Variants in CPNE7 observed in about 807,000 individuals in gnomAD.
CPNE7 encodes the protein copine-7.
In CPNE7, 78 loss-of-function variants were observed where a neutral mutation model predicts 66.5. The ratio of observed to expected loss-of-function variants is 1.17; its 90% CI spans 0.98 to 1.42. CPNE7 has a LOEUF of 1.42. Among genes scored for constraint, CPNE7 ranks in the 40% most tolerant of loss-of-function variants. The pLI, the probability that CPNE7 is intolerant of heterozygous loss-of-function variation, is 0.00. For missense variants in CPNE7, 1,012 were observed against 776.6 expected (o/e 1.30, Z -3.60); for synonymous variants, 468 against 336.7 (o/e 1.39, Z -4.27).
At chr16:89,586,281 G>C (rs1337529870) in intron 7 of CPNE7, among the ~76,000 whole-genome samples, 1 of 152,060 alleles carries the variant, frequency 6.6e-6, no homozygotes, top group Non-Finnish European at 1.5e-5. Flanking sequence ...GGTTCAGCTG[G>C]ACATTTCAGG....
In CPNE7 at chr16:89,595,518, G is replaced by A. The variant is rs1420326324; in HGVS notation, c.1454G>A (p.Gly485Asp). The part of the protein sequence containing the change: ...ADFTDMQVLD[G>D]DDGVLRSPRG... Reference sequence around the variant, plus strand: ...TTCACCGACATGCAGGTCCTGGACGGCGACGACGGCGTCCTGCGCTCCCCA... The same window carrying A: ...TTCACCGACATGCAGGTCCTGGACGACGACGACGGCGTCCTGCGCTCCCCA... The change falls in exon 14 of 15, where the codon GGC becomes GAC. Residue 485 changes from glycine to aspartate, a missense_variant. Coordinates refer to ENST00000319518, the MANE Select transcript of CPNE7 (RefSeq NM_153636.3). 1.9e-6 allele frequency: 3 copies of A among 1,612,598 alleles called. No individual in the cohort carries two copies. Among genetic ancestry groups the A allele is most frequent in the Non-Finnish European group, 2.5e-6 (3 of 1,179,878 alleles).
At chr16:89,589,735 G>T (rs970623906) in intron 10 of CPNE7, among the ~76,000 whole-genome samples, 162 bp from the exon 11 acceptor site, 18 of 152,188 alleles carry the variant, frequency 1.2e-4, no homozygotes, top group African/African-American at 3.6e-4. Context: ...TGCCTCTGCT[G>T]CCCTGAGCCT....
In CPNE7 at chr16:89,579,971, G is replaced by A. The variant is rs78754497; in HGVS notation, c.357+2250G>A. Among the ~76,000 whole-genome samples, 83 of 43,644 alleles carry A rather than the reference G, an allele frequency of 1.9e-3. 21 individuals carry two copies. The highest frequency in any genetic ancestry group is 4.5e-3 in the African/African-American group (75 of 16,788). The allele number at this position is 43,644 out of a possible 152,430, so 28.6% of individuals were successfully genotyped here. On this transcript the variant is annotated intron_variant, in intron 2 of 14. Coordinates refer to ENST00000319518, the MANE Select transcript of CPNE7 (RefSeq NM_153636.3). ...CGTCACATGGAACATCCCGTCACCC[G>A]TCACACGGAACATCCCATCACACGG...
chr16:89,576,357 C>T (rs2151423399), intron 1 of CPNE7, among the ~76,000 whole-genome samples: 1 of 152,056 alleles, frequency 6.6e-6, no homozygotes, highest in Admixed American at 6.5e-5. Context: ...GGGGAGGGGG[C>T]CCCGGGCCAG....
At position 89,583,417 on chromosome 16, in the gene CPNE7, G is replaced by A. The variant is rs370792220; in HGVS notation, c.358-280G>A. The stretch of plus-strand genomic sequence containing the variant: ...GTGAGCTGCTTCCTGGCTTCCACCT[G>A]AGCCTGTTTCCTCACCTGGTAAATA... On this transcript the variant is annotated intron_variant, in intron 2 of 14. Transcript: ENST00000319518. The A allele has an allele frequency of 1.4e-5, 22 of 1,545,850 alleles. No homozygotes were observed. The African/African-American group carries it at 2.9e-4, about 20-fold the overall frequency.
intron 9 of CPNE7, chr16:89,587,642 A>ACCCCGTGTCAC (rs1567960496): frequency 6.7e-6 from 3 of 444,598 alleles, no homozygotes; most frequent in East Asian, 1.4e-4. Flanking sequence ...CCCGGCACAG[A>ACCCCGTGTCAC]CCCCGTGTCA....
At chr16:89,586,794 A>G (rs1231669146) in intron 8 of CPNE7, 38 bp downstream of exon 8, 5 of 1,541,392 alleles carry the variant, frequency 3.2e-6, no homozygotes, top group Non-Finnish European at 4.5e-6. Context: ...CCCACCCACA[A>G]GAGGGGCTTC....
intron 9 of CPNE7, 46 bp from the exon 10 acceptor site, chr16:89,588,629 G>C (rs111533459): frequency 9.3e-6 from 15 of 1,609,006 alleles, no homozygotes; most frequent in Admixed American, 3.3e-5. Context: ...GAGCGGGTTC[G>C]GGGAGCCCCG....
intron 13 of CPNE7, 120 bp downstream of exon 13, chr16:89,591,380 G>T: frequency 7.2e-7 from 1 of 1,379,320 alleles, no homozygotes; most frequent in Non-Finnish European, 9.5e-7. Flanking sequence ...CCCCAGGCAG[G>T]ACAGAGCTCA....
In CPNE7 at chr16:89,577,565, C is replaced by T. The variant is rs758126808; in HGVS notation, c.201C>T (p.Ser67=). The change falls in exon 2 of 15, where the codon AGC becomes AGT. Residue 67 remains serine, a synonymous_variant. Transcript: ENST00000319518. ...TGGGCAGAACCGAGGTGGTCCGGAGCAGCCTGCATCCCGTGTTCTCCAAGG... is the reference window on the plus strand; with the variant it reads ...TGGGCAGAACCGAGGTGGTCCGGAGTAGCCTGCATCCCGTGTTCTCCAAGG... ...VQVGRTEVVR[S]SLHPVFSKVF... 1.0e-5 allele frequency: 16 copies of T among 1,551,682 alleles called. No individual in the cohort carries two copies. Among genetic ancestry groups the T allele is most frequent in the Middle Eastern group, 1.7e-4 (1 of 5,916 alleles).
At chr16:89,577,491 CG>C (rs2151424981) in intron 1 of CPNE7, 47 bp from the exon 2 acceptor site, 1 of 1,538,358 alleles carries the variant, frequency 6.5e-7, no homozygotes, top group Non-Finnish European at 8.8e-7. Context: ...GTCTGGAGCC[CG>C]GGGTGGAAGC....
chr16:89,588,581 G>A (rs2059121086), intron 9 of CPNE7, 94 bp from the exon 10 acceptor site: 1 of 1,536,346 alleles, frequency 6.5e-7, no homozygotes, highest in African/African-American at 1.4e-5. Flanking sequence ...CTGACCCTGA[G>A]TCCTGGCCAC....
At position 89,583,759 on chromosome 16, in the gene CPNE7, G is replaced by C; in HGVS notation, c.420G>C (p.Lys140Asn). 2 of 1,612,726 alleles carry C rather than the reference G, an allele frequency of 1.2e-6. No homozygotes were observed. The highest frequency in any genetic ancestry group is 2.2e-5 in the South Asian group (2 of 91,086). Residue 140 changes from lysine (K) to asparagine (N), a missense_variant, in exon 3 of 15, where the codon AAG becomes AAC. By Grantham distance (94) the Lys-to-Asn change is moderately conservative. Transcript: ENST00000319518. The part of the protein sequence containing the change: ...LLLKFGRNAG[K>N]STITVIAEDI... ...TCAAGTTTGGCAGGAACGCTGGCAA[G>C]TCCACCATCACGGTGAGACCCGGGC...
At chr16:89,591,365 G>T in intron 13 of CPNE7, 105 bp downstream of exon 13, 1 of 1,418,304 alleles carries the variant, frequency 7.1e-7, no homozygotes, top group East Asian at 2.5e-5. Context: ...AGCCAGCGCA[G>T]AGGCCCCCAG....
At chr16:89,576,548 C>T (rs1162086236) in intron 1 of CPNE7, among the ~76,000 whole-genome samples, 1 of 152,178 alleles carries the variant, frequency 6.6e-6, no homozygotes, top group African/African-American at 2.4e-5. Flanking sequence ...ACGTGGGTCT[C>T]AAGCGAACCC....
intron 2 of CPNE7, among the ~76,000 whole-genome samples, chr16:89,581,783 T>A (rs2151432760): frequency 6.6e-6 from 1 of 152,330 alleles, no homozygotes; most frequent in South Asian, 2.1e-4. Context: ...TAGCTGGGAC[T>A]ACAGGTGTAC....
In CPNE7 at chr16:89,581,844, C is replaced by T. The variant is rs2058963279; in HGVS notation, c.358-1853C>T. On this transcript the variant is annotated intron_variant, in intron 2 of 14. Transcript: ENST00000319518. ...ATTTTTTGAAGAGACAGGGGTCTCA[C>T]CATGTTGCCCCAACTGGTCTTGAAC... Among the ~76,000 whole-genome samples, 4 of 152,188 alleles carry T rather than the reference C, an allele frequency of 2.6e-5. No individual in the cohort carries two copies. The South Asian group carries it at 8.3e-4, about 31-fold the overall frequency.
chr16:89,584,915 C>T lies in CPNE7; in HGVS notation c.591+58C>T, dbSNP rs188808451. Reference sequence around the variant, plus strand: ...GAAGGGGCTGTCCCCAGCCCTCACGCATCTCTGGCCACATGGGAGGAGCTC... The same window carrying T: ...GAAGGGGCTGTCCCCAGCCCTCACGTATCTCTGGCCACATGGGAGGAGCTC... On this transcript the variant is annotated intron_variant, in intron 5 of 14. Transcript: ENST00000319518. This position sits in a 1 kb window ranked among gnomAD's most constrained non-coding sequence, Gnocchi z 6.0. The T allele has an allele frequency of 1.4e-6, 2 of 1,449,492 alleles. No individual in the cohort carries two copies. The highest frequency in any genetic ancestry group is 1.4e-5 in the African/African-American group (1 of 71,676). 89.8% of individuals were successfully genotyped at this position (1,449,492 alleles called of 1,614,324 possible). A position where few individuals can be genotyped will look rare whatever the true frequency, so the allele number is the denominator to read the frequency against.
intron 11 of CPNE7, 104 bp downstream of exon 11, chr16:89,590,055 G>A (rs994459510): frequency 2.8e-5 from 36 of 1,288,394 alleles, no homozygotes; most frequent in African/African-American, 1.2e-4. Context: ...GCTGGGAACC[G>A]GAGACTGTAG....
Sources: allele counts gnomAD v4.1 joint callset (sites outside exome capture counted in the v4.1 genomes callset), GRCh38; gene constraint gnomAD v4.1.1; non-coding constraint Gnocchi (gnomAD v3.1); transcripts MANE v1.5; gene names NCBI Gene and HGNC (gene_info 2026-07-23, HGNC 2026-07-21).